Variants in HMBOX1 observed in about 807,000 individuals in gnomAD.
The protein encoded by HMBOX1 is homeobox containing 1.
A neutral mutation model predicts 54.5 loss-of-function variants in HMBOX1; 14 were observed. The observed-to-expected ratio is 0.26, with a 90% CI of 0.17 to 0.40. HMBOX1 has a LOEUF of 0.40. Among genes scored for constraint, HMBOX1 ranks in the 10% least tolerant of loss-of-function variants. The pLI is 1.00. For missense variants in HMBOX1, 332 were observed against 514.4 expected (o/e 0.65, Z 3.43); for synonymous variants, 160 against 181.0 (o/e 0.88, Z 0.93).
chr8:29,011,480 T>G (rs1834210599), intron 5 of HMBOX1, among the ~76,000 whole-genome samples: 1 of 152,254 alleles, frequency 6.6e-6, no homozygotes, highest in Non-Finnish European at 1.5e-5. Context: ...TGATTGAATC[T>G]GTTATTCTGA....
At chr8:29,041,173 A>T (rs891299727) in intron 6 of HMBOX1, among the ~76,000 whole-genome samples, 3 of 152,106 alleles carry the variant, frequency 2.0e-5, no homozygotes, top group Non-Finnish European at 4.4e-5. Context: ...GCAGAATGTC[A>T]TTTTTTTTAA....
intron 3 of HMBOX1, 56 bp from the exon 4 acceptor site, chr8:28,980,015 G>C: frequency 7.7e-7 from 1 of 1,301,842 alleles, no homozygotes. Context: ...TTTTAGCAAA[G>C]ATGAGGATTT....
At position 29,049,426 on chromosome 8, in the gene HMBOX1, TGTTTG is replaced by T; in HGVS notation, c.1125+379_1125+383del. ...TACACCATTCACGACACACACTCAG[TGTTTG>T]AGAAATACTAGGGGCAGCTGGACCC... On this transcript the variant is annotated intron_variant, in intron 9 of 9. Coordinates refer to ENST00000287701, the MANE Select transcript of HMBOX1 (RefSeq NM_001135726.3). The T allele has an allele frequency of 2.0e-6, 3 of 1,520,318 alleles. No individual in the cohort carries two copies. In the Admixed American group the frequency reaches 6.0e-5, roughly 30 times the overall value. The allele number at this position is 1,520,318 out of a possible 1,614,324, so 94.2% of individuals were successfully genotyped here. A position where few individuals can be genotyped will look rare whatever the true frequency, so the allele number is the denominator to read the frequency against.
intron 1 of HMBOX1, among the ~76,000 whole-genome samples, chr8:28,961,894 AT>A (rs911989856): frequency 0.049 from 5,248 of 107,612 alleles, 109 homozygotes; most frequent in African/African-American, 0.083. Flanking sequence ...GTGTCATTTT[AT>A]TTTTTTTTTT....
intron 1 of HMBOX1, among the ~76,000 whole-genome samples, chr8:28,920,490 A>G (rs1817363066): frequency 1.3e-5 from 2 of 152,232 alleles, no homozygotes; most frequent in Admixed American, 1.3e-4. Flanking sequence ...TTATATGATT[A>G]GATTATCTCG....
At chr8:29,010,421 G>A (rs931380828) in intron 5 of HMBOX1, among the ~76,000 whole-genome samples, 2 of 152,060 alleles carry the variant, frequency 1.3e-5, no homozygotes, top group Admixed American at 1.3e-4. Flanking sequence ...GCCAGGTGTG[G>A]TGGGGCATGC....
intron 6 of HMBOX1, among the ~76,000 whole-genome samples, chr8:29,028,631 A>G (rs146796736): frequency 0.014 from 2,156 of 152,278 alleles, 54 homozygotes; most frequent in Non-Finnish European, 0.017. Flanking sequence ...GGTTCAGACA[A>G]CTGCAGTGCA....
intron 1 of HMBOX1, among the ~76,000 whole-genome samples, chr8:28,954,748 C>A (rs1239506654): frequency 6.6e-6 from 1 of 152,036 alleles, no homozygotes; most frequent in African/African-American, 2.4e-5. Flanking sequence ...TGTACTTACA[C>A]GTGTACAAAG....
chr8:29,036,958 G>A (rs746312585), intron 6 of HMBOX1, among the ~76,000 whole-genome samples: 25 of 152,146 alleles, frequency 1.6e-4, no homozygotes, highest in Non-Finnish European at 2.2e-4. Flanking sequence ...TGTGTTATGC[G>A]ATTCCATAGG....
At position 28,915,002 on chromosome 8, in the gene HMBOX1, A is replaced by G. The variant is rs992652064; in HGVS notation, c.-58+24324A>G. Among the ~76,000 whole-genome samples, 5 of 152,184 alleles carry G rather than the reference A, an allele frequency of 3.3e-5. No individual in the cohort carries two copies. In the South Asian group the frequency reaches 8.3e-4, roughly 25 times the overall value. ...CAAATTCTATGGAAACCAACAAACT[A>G]TAAAGGAAATTTATTTGTTTATATA... On this transcript the variant is annotated intron_variant, in intron 1 of 9. Coordinates refer to ENST00000287701, the MANE Select transcript of HMBOX1 (RefSeq NM_001135726.3).
intron 6 of HMBOX1, among the ~76,000 whole-genome samples, chr8:29,032,706 A>G (rs1284331513): frequency 2.6e-5 from 4 of 152,262 alleles, no homozygotes; most frequent in South Asian, 2.1e-4. Context: ...CGGCTGGTCT[A>G]TAGGCTGGCA....
At chr8:29,006,736 C>T (rs1833507769) in intron 4 of HMBOX1, among the ~76,000 whole-genome samples, 1 of 152,124 alleles carries the variant, frequency 6.6e-6, no homozygotes, top group South Asian at 2.1e-4. Context: ...CCTCTTCTCA[C>T]TATACCAAAG....
At chr8:29,007,938 G>T (rs911262324) in intron 4 of HMBOX1, among the ~76,000 whole-genome samples, 5 of 152,032 alleles carry the variant, frequency 3.3e-5, no homozygotes, top group African/African-American at 4.8e-5. Flanking sequence ...AACTCTAGGG[G>T]CTTGCTTTTA....
intron 4 of HMBOX1, among the ~76,000 whole-genome samples, chr8:28,993,888 G>T (rs1028610488): frequency 6.6e-6 from 1 of 152,068 alleles, no homozygotes; most frequent in African/African-American, 2.4e-5. Context: ...ACAGGGGAAG[G>T]CCAGGCATGG....
rs569488920 is a variant in HMBOX1 at position 28,988,843 on chromosome 8, T to C, written c.586+8687T>C. On this transcript the variant is annotated intron_variant, in intron 4 of 9. Coordinates refer to ENST00000287701, the MANE Select transcript of HMBOX1 (RefSeq NM_001135726.3). ...GGTACAAGTCCTTAAATATAAGATA[T>C]ACATATTTCCTAGTCTGAGGCTTGC... 1.5e-3 allele frequency among the ~76,000 whole-genome samples: 226 copies of C among 152,324 alleles called. 3 individuals carry two copies. The highest frequency in any genetic ancestry group is 5.1e-3 in the African/African-American group (210 of 41,580).
intron 6 of HMBOX1, among the ~76,000 whole-genome samples, chr8:29,037,959 C>A (rs577367689): frequency 6.6e-6 from 1 of 152,182 alleles, no homozygotes; most frequent in Admixed American, 6.5e-5. Flanking sequence ...TCTGGCAATC[C>A]TAAAACCTTA....
intron 1 of HMBOX1, chr8:28,950,006 A>G (rs563436990): frequency 5.9e-5 from 9 of 152,324 alleles, no homozygotes; most frequent in African/African-American, 2.2e-4. Flanking sequence ...CACCAATATC[A>G]TATATGAATT....
intron 1 of HMBOX1, among the ~76,000 whole-genome samples, chr8:28,900,686 C>G (rs1201585375): frequency 1.3e-5 from 2 of 152,088 alleles, no homozygotes; most frequent in South Asian, 2.1e-4. Flanking sequence ...TTCTTAAACT[C>G]TGTATTTTTG....
intron 1 of HMBOX1, among the ~76,000 whole-genome samples, chr8:28,933,279 C>T (rs1306948771): frequency 2.0e-5 from 3 of 152,202 alleles, no homozygotes; most frequent in African/African-American, 7.2e-5. Flanking sequence ...TCTTGATCTA[C>T]ATCAGGTCCC....
Sources: gnomAD v4.1 joint callset for allele counts (sites outside exome capture counted in the v4.1 genomes callset) on GRCh38, gnomAD v4.1.1 for gene constraint, MANE v1.5 for transcripts, NCBI Gene and HGNC (gene_info 2026-07-23, HGNC 2026-07-21) for gene names.